Variants in PWP1 observed in about 807,000 individuals in gnomAD.
PWP1 encodes the protein PWP1 homolog, endonuclein.
PWP1 carries 47 observed loss-of-function variants against 69.9 expected under a neutral mutation model. The ratio of observed to expected loss-of-function variants is 0.67; its 90% confidence interval spans 0.53 to 0.86. The LOEUF is 0.86. Ranked by LOEUF, PWP1 falls within the 40% of genes least tolerant of loss-of-function variation. The pLI is 0.00. For missense variants in PWP1, 551 were observed against 608.8 expected, an observed-to-expected ratio of 0.91 and a Z score of 1.00; for synonymous variants, 222 against 208.2, an observed-to-expected ratio of 1.07 and a Z score of -0.57.
At chr12:107,696,611 A>C (rs763556500) in intron 6 of PWP1, 27 bp downstream of exon 6, 1 of 1,612,758 alleles carries the variant, frequency 6.2e-7, no homozygotes, top group South Asian at 1.1e-5. Context: ...AGGTTGTTCA[A>C]TGATTTCCAG....
Position 107,708,147 on chromosome 12 carries a change from C to T in PWP1, c.1078-779C>T, listed in dbSNP as rs555732818. On this transcript the variant is annotated intron_variant, in intron 11 of 14. Transcript: ENST00000412830. ...TACTTCGGCTCTCACTCTTCAGGTACGCAACTTCCAGAGATTATTTGCTAA... is the reference window on the plus strand; with the variant it reads ...TACTTCGGCTCTCACTCTTCAGGTATGCAACTTCCAGAGATTATTTGCTAA... Among the ~76,000 whole-genome samples the T allele has an allele frequency of 2.9e-4, 44 of 152,204 alleles. 1 individual carries two copies. The highest frequency in any genetic ancestry group is 9.1e-4 in the African/African-American group (38 of 41,536).
In PWP1 at chr12:107,692,861, A is replaced by C; in HGVS notation, c.367A>C (p.Ser123Arg). ...TCTCTTGGGTCTTACGGTCTACGGGAGTAATGATCAAGATCCTTACGTTAC... is the reference window on the plus strand; with the variant it reads ...TCTCTTGGGTCTTACGGTCTACGGGCGTAATGATCAAGATCCTTACGTTAC... ...ESLLGLTVYGSNDQDPYVTLK... is the reference protein window; with the variant it reads ...ESLLGLTVYGRNDQDPYVTLK... Residue 123 changes from serine (S) to arginine (R), a missense_variant, in exon 4 of 15, where the codon AGT becomes CGT. Ser to Arg is a moderately radical substitution (Grantham distance 110). Transcript: ENST00000412830. 1 of 1,613,980 alleles carries C rather than the reference A, an allele frequency of 6.2e-7. No homozygotes were observed. The highest frequency in any genetic ancestry group is 8.5e-7 in the Non-Finnish European group (1 of 1,179,866).
chr12:107,686,057 C>A, intron 1 of PWP1, 86 bp downstream of exon 1: 1 of 1,471,072 alleles, frequency 6.8e-7, no homozygotes, highest in Non-Finnish European at 9.5e-7. Flanking sequence ...GGACCCGGAA[C>A]TCGGGGCGTT....
At chr12:107,703,809 G>T in intron 10 of PWP1, 63 bp downstream of exon 10, 1 of 1,450,036 alleles carries the variant, frequency 6.9e-7, no homozygotes, top group South Asian at 1.1e-5. Context: ...CATTTTAAGA[G>T]TATCACTTGG....
intron 10 of PWP1, among the ~76,000 whole-genome samples, chr12:107,704,137 T>G (rs943668739): frequency 6.6e-6 from 1 of 152,254 alleles, no homozygotes; most frequent in Non-Finnish European, 1.5e-5. Flanking sequence ...GAGAAACAGA[T>G]AGTAGAAGCC....
chr12:107,690,488 G>C (rs1053730672), intron 3 of PWP1, among the ~76,000 whole-genome samples: 1 of 152,204 alleles, frequency 6.6e-6, no homozygotes, highest in Non-Finnish European at 1.5e-5. Flanking sequence ...GTGTGAGACG[G>C]AGTCTTGCTC....
chr12:107,692,722 A>G lies in PWP1; in HGVS notation c.320-92A>G, dbSNP rs1791911912. ...TCCAGAGTTAGTTATAAAATAGATG[A>G]TTGCATCTAAGTCCAAGAATGGATG... On this transcript the variant is annotated intron_variant, in intron 3 of 14. Transcript: ENST00000412830. The G allele has an allele frequency of 9.6e-6, 10 of 1,037,814 alleles. No homozygotes were observed. The Admixed American group carries it at 2.4e-4, about 25-fold the overall frequency. 64.3% of individuals were successfully genotyped at this position (1,037,814 alleles called of 1,614,324 possible). A position where few individuals can be genotyped will look rare whatever the true frequency, so the allele number is the denominator to read the frequency against.
At chr12:107,689,722 G>T (rs1242391379) in intron 3 of PWP1, among the ~76,000 whole-genome samples, 1 of 152,182 alleles carries the variant, frequency 6.6e-6, no homozygotes, top group African/African-American at 2.4e-5. Context: ...CTCCAGCCTG[G>T]GTGACACAGT....
At chr12:107,697,129 C>A (rs1192162882) in intron 6 of PWP1, among the ~76,000 whole-genome samples, 1 of 152,138 alleles carries the variant, frequency 6.6e-6, no homozygotes, top group East Asian at 1.9e-4. Context: ...TGATCTTCAT[C>A]CCCACAGCAC....
intron 5 of PWP1, among the ~76,000 whole-genome samples, chr12:107,693,334 G>C (rs1240792748): frequency 6.6e-6 from 1 of 151,906 alleles, no homozygotes; most frequent in Non-Finnish European, 1.5e-5. Flanking sequence ...ATTTTTCATA[G>C]GGGTGTTTTT....
intron 14 of PWP1, among the ~76,000 whole-genome samples, chr12:107,711,739 C>T (rs1236303581): frequency 3.3e-5 from 5 of 152,048 alleles, no homozygotes; most frequent in Admixed American, 6.6e-5. Flanking sequence ...CTGGGTTATT[C>T]TGATGTGTGT....
At position 107,685,857 on chromosome 12, in the gene PWP1, T is replaced by C; in HGVS notation, c.-43T>C. 3 of 1,610,236 alleles carry C rather than the reference T, an allele frequency of 1.9e-6. No individual in the cohort carries two copies. Among genetic ancestry groups the C allele is most frequent in the Non-Finnish European group, 2.5e-6 (3 of 1,177,042 alleles). On this transcript the variant is annotated 5_prime_UTR_variant, in exon 1 of 15. An upstream start codon of the reference 5' UTR is lost. Transcript: ENST00000412830. ...GCAGTGCGGTCGTGGTCCCTCCCTA[T>C]GCAGCCTGGTTTCTAGCGTGACACG...
chr12:107,690,171 C>T (rs191614049), intron 3 of PWP1, among the ~76,000 whole-genome samples: 217 of 152,244 alleles, frequency 1.4e-3, no homozygotes, highest in Non-Finnish European at 2.2e-3. Flanking sequence ...ATGTTATCTG[C>T]AACAAAGTAA....
intron 14 of PWP1, 30 bp downstream of exon 14, chr12:107,710,540 C>G (rs74977517): frequency 0.06 from 92,698 of 1,556,292 alleles, 3,246 homozygotes; most frequent in Non-Finnish European, 0.068. Flanking sequence ...TGCACACCTC[C>G]CCCTGCCCCT....
rs139101942 is a variant in PWP1, at chr12:107,698,980, T to C, written c.745-393T>C. Among the ~76,000 whole-genome samples the C allele has an allele frequency of 6.8e-3, 1,031 of 152,274 alleles. 14 individuals are homozygous for C. Among genetic ancestry groups the C allele is most frequent in the African/African-American group, 0.023 (947 of 41,560 alleles). ...AAAAGTTTATATAATATCAAAACAA[T>C]AGGTCGGGTGCAGTAGCTCACACCT... On this transcript the variant is annotated intron_variant, in intron 7 of 14. Transcript: ENST00000412830.
At position 107,692,902 on chromosome 12, in the gene PWP1, A is replaced by G. The variant is rs750842913; in HGVS notation, c.405+3A>G. 6.2e-7 allele frequency: 1 copy of G among 1,613,072 alleles called. No homozygotes were observed. On this transcript the variant is annotated splice_donor_region_variant and intron_variant, in intron 4 of 14. Coordinates refer to ENST00000412830, the MANE Select transcript of PWP1 (RefSeq NM_007062.3). The stretch of plus-strand genomic sequence containing the variant: ...CTTACGTTACTCTGAAAGATACAGT[A>G]AGTATTTACATCTTTTTTCTAATTA...
At chr12:107,692,701 G>T in intron 3 of PWP1, 113 bp from the exon 4 acceptor site, 1 of 879,584 alleles carries the variant, frequency 1.1e-6, no homozygotes, top group South Asian at 1.8e-5. Flanking sequence ...AGATGATCCA[G>T]AGTTAGTTAT....
rs143711289 is a variant in PWP1, at chr12:107,697,510, G to A, written c.657G>A (p.Val219=). Residue 219 remains valine (V), a synonymous_variant, in exon 7 of 15, where the codon GTG becomes GTA. Transcript: ENST00000412830. ...AVGNMTPVIE[V]WDLDIVDSLE... ...GAAACATGACCCCTGTTATTGAAGT[G>A]TGGGACCTTGATATAGTGGACTCTT... 5.0e-6 allele frequency: 8 copies of A among 1,607,502 alleles called. No individual in the cohort carries two copies. The highest frequency in any genetic ancestry group is 6.8e-6 in the Non-Finnish European group (8 of 1,177,612).
Position 107,713,059 on chromosome 12 carries a change from T to C in PWP1, c.*839T>C, listed in dbSNP as rs998085139. 2.0e-5 allele frequency: 3 copies of C among 152,224 alleles called. No individual in the cohort carries two copies. Among genetic ancestry groups the C allele is most frequent in the African/African-American group, 7.2e-5 (3 of 41,454 alleles). 9.4% of individuals were successfully genotyped at this position (152,224 alleles called of 1,614,324 possible). On this transcript the variant is annotated 3_prime_UTR_variant, in exon 15 of 15. Transcript: ENST00000412830. ...ATTTCATGAATGTGACTTCAGTCAT[T>C]CTAGTGTTAATACTGTGGAATGTCA...
Sources: allele counts gnomAD v4.1 joint callset (sites outside exome capture counted in the v4.1 genomes callset), GRCh38; gene constraint gnomAD v4.1.1; transcripts MANE v1.5; gene names NCBI Gene and HGNC (gene_info 2026-07-23, HGNC 2026-07-21).